ATP8B4: variants seen among roughly 807,000 people sequenced by gnomAD.
The protein encoded by ATP8B4 is ATPase phospholipid transporting 8B4 (putative).
Under a neutral mutation model 145.6 loss-of-function variants are expected in ATP8B4, and 133 were observed. The observed-to-expected ratio is 0.91, with a 90% confidence interval of 0.79 to 1.05. The LOEUF (loss-of-function observed/expected upper bound fraction) is 1.05. Among genes scored for constraint, ATP8B4 ranks in the 50% least tolerant of loss-of-function variants. ATP8B4 has a pLI of 0.00. For synonymous variants in ATP8B4, 507 were observed against 492.9 expected (o/e 1.03, Z -0.38); for missense variants, 1,458 against 1,425.2 (o/e 1.02, Z -0.37).
In ATP8B4 at chr15:50,047,465, C is replaced by T. The variant is rs2051811806; in HGVS notation, c.88-1G>A. 1 of 1,525,534 alleles carries T rather than the reference C, an allele frequency of 6.6e-7. No individual in the cohort carries two copies. Among genetic ancestry groups the T allele is most frequent in the Admixed American group, 1.7e-5 (1 of 59,768 alleles). The allele number at this position is 1,525,534 out of a possible 1,614,324, so 94.5% of individuals were successfully genotyped here. A position where few individuals can be genotyped will look rare whatever the true frequency, so the allele number is the denominator to read the frequency against. On this transcript the variant is annotated splice_acceptor_variant, in intron 3 of 27. Transcript: ENST00000284509. LOFTEE classifies it high-confidence loss of function. Reference sequence around the variant, plus strand: ...ATTTCGATGTGTGGATACGATTATCCTGGAAAAGAAATAGCATCATGTTAG... The same window carrying T: ...ATTTCGATGTGTGGATACGATTATCTTGGAAAAGAAATAGCATCATGTTAG...
intron 6 of ATP8B4, among the ~76,000 whole-genome samples, chr15:50,016,159 A>G (rs1480883793): frequency 6.6e-6 from 1 of 152,234 alleles, no homozygotes; most frequent in African/African-American, 2.4e-5. Context: ...TACCTGAACA[A>G]TAAGCCTGCT....
chr15:49,986,242 T>C (rs577919465), intron 10 of ATP8B4, among the ~76,000 whole-genome samples: 44 of 152,238 alleles, frequency 2.9e-4, no homozygotes, highest in African/African-American at 9.6e-4. Flanking sequence ...ATCCCATCCA[T>C]AGGATGAAGC....
intron 14 of ATP8B4, 47 bp downstream of exon 14, chr15:49,961,930 T>C: frequency 1.4e-6 from 2 of 1,470,756 alleles, no homozygotes; most frequent in South Asian, 2.5e-5. Flanking sequence ...TAAAAGTACA[T>C]ATAATTTGAA....
At chr15:50,157,926 C>T (rs993423753) in intron 1 of ATP8B4, among the ~76,000 whole-genome samples, 2 of 152,260 alleles carry the variant, frequency 1.3e-5, no homozygotes, top group East Asian at 1.9e-4. Flanking sequence ...GACTGGTTTT[C>T]GTATTTTTTT....
chr15:50,118,122 AT>A (rs1185416439), intron 1 of ATP8B4, among the ~76,000 whole-genome samples: 1 of 152,154 alleles, frequency 6.6e-6, no homozygotes, highest in African/African-American at 2.4e-5. Flanking sequence ...ATGATAATTT[AT>A]TTTTTATTTA....
intron 24 of ATP8B4, among the ~76,000 whole-genome samples, chr15:49,877,133 CAAAG>C (rs923070764): frequency 2.6e-5 from 4 of 152,076 alleles, no homozygotes; most frequent in African/African-American, 9.7e-5. Context: ...GTGTTCAGGA[CAAAG>C]AAAGAATATA....
intron 1 of ATP8B4, among the ~76,000 whole-genome samples, chr15:50,164,075 C>T (rs572705699): frequency 4.6e-5 from 7 of 152,288 alleles, no homozygotes; most frequent in Non-Finnish European, 1.0e-4. Flanking sequence ...TGTTCAGGAG[C>T]CAATGCCTGG....
At chr15:49,902,661 A>C (rs2038167097) in intron 20 of ATP8B4, among the ~76,000 whole-genome samples, 1 of 152,224 alleles carries the variant, frequency 6.6e-6, no homozygotes, top group Non-Finnish European at 1.5e-5. Context: ...GAAGTAGAAC[A>C]GACATGAAAA....
intron 2 of ATP8B4, among the ~76,000 whole-genome samples, chr15:50,101,203 T>C (rs1045076543): frequency 8.5e-5 from 13 of 152,146 alleles, no homozygotes; most frequent in African/African-American, 3.1e-4. Flanking sequence ...ATGGGATATA[T>C]GCCATTTATC....
intron 12 of ATP8B4, 86 bp from the exon 13 acceptor site, chr15:49,972,876 C>A: frequency 2.9e-6 from 4 of 1,357,686 alleles, no homozygotes; most frequent in Non-Finnish European, 4.0e-6. Flanking sequence ...AGAAGTCTGC[C>A]AAAGTCTCCA....
At chr15:49,860,907 A>G (rs1282032505) in intron 27 of ATP8B4, among the ~76,000 whole-genome samples, 3 of 152,314 alleles carry the variant, frequency 2.0e-5, no homozygotes, top group East Asian at 1.9e-4. Flanking sequence ...TCAGAAAATG[A>G]GTCAGAAATA....
chr15:49,891,843 C>T (rs576674072), intron 23 of ATP8B4, among the ~76,000 whole-genome samples: 4 of 152,232 alleles, frequency 2.6e-5, no homozygotes, highest in Admixed American at 2.6e-4. Context: ...GGGCCGGGCA[C>T]AGTGGCTCAT....
At chr15:50,094,135 T>C (rs1056361822) in intron 2 of ATP8B4, among the ~76,000 whole-genome samples, 5 of 152,144 alleles carry the variant, frequency 3.3e-5, no homozygotes, top group African/African-American at 1.2e-4. Flanking sequence ...CTGGTGTGTC[T>C]GTGAGGGTCT....
At chr15:49,956,452 G>T (rs1327169339) in intron 14 of ATP8B4, among the ~76,000 whole-genome samples, 1 of 152,038 alleles carries the variant, frequency 6.6e-6, no homozygotes, top group African/African-American at 2.4e-5. Flanking sequence ...AATAAACACT[G>T]GCCTTGGACT....
intron 2 of ATP8B4, among the ~76,000 whole-genome samples, chr15:50,078,365 G>C (rs1291197408): frequency 6.6e-6 from 1 of 151,836 alleles, no homozygotes; most frequent in Non-Finnish European, 1.5e-5. Context: ...TATTTAAGAA[G>C]ACATGGCATC....
At chr15:50,052,579 G>A (rs902749310) in intron 3 of ATP8B4, among the ~76,000 whole-genome samples, 2 of 152,326 alleles carry the variant, frequency 1.3e-5, no homozygotes, top group Admixed American at 1.3e-4. Flanking sequence ...TCCAAGATTG[G>A]CCCATCGGGT....
chr15:49,995,500 C>T lies in ATP8B4; in HGVS notation c.589+1177G>A, dbSNP rs373121377. On this transcript the variant is annotated intron_variant, in intron 9 of 27. Transcript: ENST00000284509. ...CTACTCTCTGACTTCAATCTCAATT[C>T]GGAGGAATTTTTTTTTCTATAAACA... is the stretch of plus-strand genomic sequence containing the variant. Among the ~76,000 whole-genome samples the T allele has an allele frequency of 4.1e-4, 63 of 152,050 alleles. No individual in the cohort carries two copies. In the South Asian group the frequency reaches 0.011, roughly 27 times the overall value.
intron 2 of ATP8B4, 117 bp downstream of exon 2, chr15:50,106,822 A>T: frequency 1.0e-6 from 1 of 977,000 alleles, no homozygotes; most frequent in Non-Finnish European, 1.5e-6. Flanking sequence ...GTCGAAGTTC[A>T]CTGAGCTGAA....
chr15:50,179,583 T>G (rs1275262933), intron 1 of ATP8B4, among the ~76,000 whole-genome samples: 1 of 152,202 alleles, frequency 6.6e-6, no homozygotes, highest in East Asian at 1.9e-4. Flanking sequence ...AATTCATATA[T>G]TGAAATCCTA....
Sources: gnomAD v4.1 joint callset for allele counts (sites outside exome capture counted in the v4.1 genomes callset) on GRCh38, gnomAD v4.1.1 for gene constraint, MANE v1.5 for transcripts, NCBI Gene and HGNC (gene_info 2026-07-23, HGNC 2026-07-21) for gene names.